The following CNTNAP2 variants were observed in gnomAD, a reference collection of about 807,000 sequenced individuals.
CNTNAP2 encodes the protein contactin-associated protein-like 2.
CNTNAP2 carries 98 observed loss-of-function variants against 155.2 expected under a neutral mutation model. The ratio of observed to expected loss-of-function variants is 0.63; its 90% CI spans 0.54 to 0.75. The LOEUF is 0.75. Among genes scored for constraint, CNTNAP2 ranks in the 30% least tolerant of loss-of-function variants. The pLI is 0.00. For synonymous variants in CNTNAP2, 651 were observed against 631.2 expected, an observed-to-expected ratio of 1.03 and a Z score of -0.47; for missense variants, 1,727 against 1,688.1, an observed-to-expected ratio of 1.02 and a Z score of -0.40.
chr7:148,084,531 C>A (rs757216731), intron 15 of CNTNAP2, among the ~76,000 whole-genome samples: 16 of 152,112 alleles, frequency 1.1e-4, no homozygotes, highest in Non-Finnish European at 2.2e-4. Context: ...ATTATCTTTT[C>A]TTTCTTCCTT....
chr7:146,713,891 C>T (rs1268331005), intron 1 of CNTNAP2, among the ~76,000 whole-genome samples: 2 of 151,988 alleles, frequency 1.3e-5, no homozygotes, highest in African/African-American at 4.8e-5. Context: ...AGAGCTAATA[C>T]CTAGCTCAGA....
At chr7:148,192,639 A>T (rs1585179020) in intron 18 of CNTNAP2, among the ~76,000 whole-genome samples, 1 of 152,042 alleles carries the variant, frequency 6.6e-6, no homozygotes, top group African/African-American at 2.4e-5. Context: ...AAAATAAAAA[A>T]CCTCCAATAA....
intron 1 of CNTNAP2, among the ~76,000 whole-genome samples, chr7:146,741,261 T>C (rs762679156): frequency 6.6e-6 from 1 of 152,160 alleles, no homozygotes; most frequent in Non-Finnish European, 1.5e-5. Flanking sequence ...TGTGACGTTA[T>C]TTTTGTGCAT....
chr7:147,588,713 G>A lies in CNTNAP2; in HGVS notation c.1897+26456G>A, dbSNP rs114943834. Among the ~76,000 whole-genome samples the A allele has an allele frequency of 3.4e-3, 525 of 152,268 alleles. 4 individuals are homozygous for A. The highest frequency in any genetic ancestry group is 0.012 in the African/African-American group (508 of 41,560). On this transcript the variant is annotated intron_variant, in intron 12 of 23. Transcript: ENST00000361727. ...TGGCCAGCCTGATGCCAAAAGAGAG[G>A]CATCTAAGCCTCTTCAGGCAACTGA...
At chr7:147,307,195 T>A (rs1795045897) in intron 9 of CNTNAP2, among the ~76,000 whole-genome samples, 1 of 152,162 alleles carries the variant, frequency 6.6e-6, no homozygotes, top group Admixed American at 6.5e-5. Context: ...CCCATCGATA[T>A]ACATTAAATC....
intron 13 of CNTNAP2, among the ~76,000 whole-genome samples, chr7:147,739,773 C>G (rs1387984251): frequency 6.6e-6 from 1 of 151,974 alleles, no homozygotes; most frequent in Non-Finnish European, 1.5e-5. Context: ...AATGTATCAT[C>G]AATATCATCA....
intron 12 of CNTNAP2, among the ~76,000 whole-genome samples, chr7:147,608,232 T>C (rs917045522): frequency 6.6e-6 from 1 of 151,870 alleles, no homozygotes; most frequent in African/African-American, 2.4e-5. Flanking sequence ...AACACAATGG[T>C]TTTAAGAAGT....
intron 3 of CNTNAP2, among the ~76,000 whole-genome samples, chr7:147,002,415 A>C (rs1437455638): frequency 6.6e-6 from 1 of 152,092 alleles, no homozygotes; most frequent in Non-Finnish European, 1.5e-5. Context: ...AAGATAATCC[A>C]GTTGTGCCTA....
chr7:148,311,882 C>T (rs1797601239), intron 21 of CNTNAP2, among the ~76,000 whole-genome samples: 1 of 152,036 alleles, frequency 6.6e-6, no homozygotes, highest in African/African-American at 2.4e-5. Context: ...CAGAGAGATA[C>T]AGTCATAGGG....
intron 1 of CNTNAP2, among the ~76,000 whole-genome samples, chr7:146,240,946 T>C (rs969796715): frequency 6.6e-6 from 1 of 152,082 alleles, no homozygotes; most frequent in African/African-American, 2.4e-5. Context: ...TCAGGGAGCT[T>C]TTACTCATGG....
chr7:146,856,689 G>A (rs981608282), intron 3 of CNTNAP2, among the ~76,000 whole-genome samples: 2 of 152,158 alleles, frequency 1.3e-5, no homozygotes, highest in Non-Finnish European at 2.9e-5. Context: ...GACACTGTGC[G>A]CCTCCAGAGG....
chr7:146,568,620 C>T (rs1798393678), intron 1 of CNTNAP2, among the ~76,000 whole-genome samples: 1 of 152,136 alleles, frequency 6.6e-6, no homozygotes, highest in Admixed American at 6.5e-5. Context: ...GTGAAGTCTG[C>T]ATACAGATTC....
chr7:147,127,056 A>G (rs1269869359), intron 6 of CNTNAP2, among the ~76,000 whole-genome samples: 1 of 152,194 alleles, frequency 6.6e-6, no homozygotes, highest in East Asian at 1.9e-4. Context: ...CATTGACGGT[A>G]TTATTACTGT....
chr7:148,313,992 G>A (rs534404622), intron 21 of CNTNAP2, among the ~76,000 whole-genome samples: 3 of 152,068 alleles, frequency 2.0e-5, no homozygotes, highest in African/African-American at 7.2e-5. Flanking sequence ...GAAATTGCTG[G>A]GCAGGTTGGG....
intron 4 of CNTNAP2, among the ~76,000 whole-genome samples, chr7:147,088,420 T>A (rs1246104383): frequency 6.6e-6 from 1 of 152,200 alleles, no homozygotes; most frequent in East Asian, 1.9e-4. Flanking sequence ...CAAAGCTCCT[T>A]TTCTAACCTT....
chr7:148,284,957 CTG>C (rs1442543032), intron 21 of CNTNAP2, among the ~76,000 whole-genome samples: 1 of 152,212 alleles, frequency 6.6e-6, no homozygotes, highest in Non-Finnish European at 1.5e-5. Flanking sequence ...TTTGGGAAGA[CTG>C]GCATCCCCAC....
chr7:147,135,091 T>A (rs1801452213), intron 8 of CNTNAP2, among the ~76,000 whole-genome samples: 3 of 151,892 alleles, frequency 2.0e-5, no homozygotes, highest in Admixed American at 2.0e-4. Flanking sequence ...TCCATCTTGG[T>A]CAACACTGTT....
chr7:148,206,674 C>A (rs111836203), intron 18 of CNTNAP2, among the ~76,000 whole-genome samples: 2 of 152,166 alleles, frequency 1.3e-5, no homozygotes, highest in Admixed American at 6.5e-5. Flanking sequence ...ATAGGCAGGC[C>A]TCTCCCCAGA....
Position 148,383,686 on chromosome 7 carries a change from C to G in CNTNAP2, c.3513C>G (p.Asn1171Lys). ...GKIDQEIHKY[N>K]TPGFTGCLSR... ...TTGACCAAGAGATTCACAAATACAA[C>G]ACCCCAGGATTCACTGGTTGCCTCT... Residue 1171 changes from asparagine (N) to lysine (K), a missense_variant, in exon 22 of 24, where the codon AAC becomes AAG. Coordinates refer to ENST00000361727, the MANE Select transcript of CNTNAP2 (RefSeq NM_014141.6). 6.2e-7 allele frequency: 1 copy of G among 1,614,188 alleles called. No homozygotes were observed.
Sources: allele counts gnomAD v4.1 joint callset (sites outside exome capture counted in the v4.1 genomes callset), GRCh38; gene constraint gnomAD v4.1.1; transcripts MANE v1.5; gene names NCBI Gene and HGNC (gene_info 2026-07-23, HGNC 2026-07-21).